IL1RAPL2: variants seen among roughly 807,000 people sequenced by gnomAD.
The protein encoded by IL1RAPL2 is interleukin 1 receptor accessory protein like 2.
IL1RAPL2 carries 3 observed loss-of-function variants against 44.1 expected under a neutral mutation model. The observed-to-expected ratio is 0.07, with a 90% confidence interval of 0.03 to 0.18. The LOEUF (loss-of-function observed/expected upper bound fraction) is 0.18, where lower values mean the gene tolerates loss of function less well. Ranked by LOEUF, IL1RAPL2 falls within the 10% of genes least tolerant of loss-of-function variation. The probability of loss-of-function intolerance (pLI) is 1.00; values close to 1 mark genes in which losing one functional copy is unlikely to be tolerated. For missense variants in IL1RAPL2, 391 were observed against 496.4 expected, an observed-to-expected ratio of 0.79 and a Z score of 2.02; for synonymous variants, 181 against 178.8, an observed-to-expected ratio of 1.01 and a Z score of -0.10.
At chrX:104,637,802 CTGTGTGTG>C (rs1214767208) in intron 1 of IL1RAPL2, among the ~76,000 whole-genome samples, 199 of 88,594 alleles carry the variant, frequency 2.2e-3, no homozygotes, top group African/African-American at 7.5e-3. Flanking sequence ...GTGTGTGTGT[CTGTGTGTG>C]TGTGTGTGTG....
At chrX:104,886,796 G>T (rs1010569062) in intron 2 of IL1RAPL2, among the ~76,000 whole-genome samples, 4 of 112,234 alleles carry the variant, frequency 3.6e-5, no homozygotes, top group Non-Finnish European at 7.5e-5. Context: ...TGCCCCAAAG[G>T]TTTAGGGATA....
intron 5 of IL1RAPL2, among the ~76,000 whole-genome samples, chrX:105,349,126 T>C (rs2035133108): frequency 8.9e-6 from 1 of 112,276 alleles, no homozygotes; most frequent in Non-Finnish European, 1.9e-5. Context: ...TTGGAGTTAA[T>C]CGTGGTGGCT....
intron 5 of IL1RAPL2, among the ~76,000 whole-genome samples, chrX:105,310,711 A>G (rs185935560): frequency 2.5e-4 from 28 of 111,830 alleles, no homozygotes; most frequent in African/African-American, 8.1e-4. Context: ...ATTATTTGGT[A>G]TATGGTATAT....
At chrX:105,040,992 T>C (rs1252929701) in intron 2 of IL1RAPL2, among the ~76,000 whole-genome samples, 1 of 101,163 alleles carries the variant, frequency 9.9e-6, no homozygotes, top group Non-Finnish European at 2.0e-5. Context: ...TTTGGATCTT[T>C]CCTGCTTTCT....
intron 5 of IL1RAPL2, among the ~76,000 whole-genome samples, chrX:105,282,952 G>T (rs770666157): frequency 2.2e-4 from 24 of 111,380 alleles, no homozygotes; most frequent in Admixed American, 5.7e-4. Context: ...AACATTTTTT[G>T]ATTTTGTTAT....
chrX:104,789,214 G>A (rs1242610082), intron 2 of IL1RAPL2, among the ~76,000 whole-genome samples: 1 of 111,868 alleles, frequency 8.9e-6, no homozygotes, highest in Non-Finnish European at 1.9e-5. Flanking sequence ...TGATGCTGAA[G>A]TTTGGAATAC....
chrX:104,662,283 G>A (rs7889484), intron 2 of IL1RAPL2, among the ~76,000 whole-genome samples: 2,674 of 111,842 alleles, frequency 0.024, 83 homozygotes, highest in African/African-American at 0.082. Context: ...CCCTGGCTTG[G>A]GAAACAGCAA....
Position 104,677,417 on chromosome X carries a change from G to C in IL1RAPL2, c.82+18422G>C, listed in dbSNP as rs927503652. Among the ~76,000 whole-genome samples the C allele has an allele frequency of 1.1e-3, 119 of 111,318 alleles. 1 individual carries two copies. Among genetic ancestry groups the C allele is most frequent in the Admixed American group, 6.3e-3 (66 of 10,559 alleles). The stretch of plus-strand genomic sequence containing the variant: ...TCCCAGTTAGGGTGCTCAGGGTTCA[G>C]GGGTCAGGGACCCACTTGAGGAGGC... On this transcript the variant is annotated intron_variant, in intron 2 of 10. Transcript: ENST00000372582.
intron 2 of IL1RAPL2, among the ~76,000 whole-genome samples, chrX:104,841,008 T>C (rs914338412): frequency 1.8e-5 from 2 of 111,045 alleles, no homozygotes; most frequent in African/African-American, 6.6e-5. Context: ...CCCACTGTTA[T>C]TGTGTGAGAG....
chrX:104,892,018 T>G (rs758714981), intron 2 of IL1RAPL2, among the ~76,000 whole-genome samples: 1 of 111,913 alleles, frequency 8.9e-6, no homozygotes, highest in African/African-American at 3.2e-5. Flanking sequence ...CTGTTGAATT[T>G]TGTGACAGGC....
chrX:105,040,866 GTC>G (rs1467758357), intron 2 of IL1RAPL2, among the ~76,000 whole-genome samples: 1 of 101,993 alleles, frequency 9.8e-6, no homozygotes, highest in African/African-American at 3.8e-5. Flanking sequence ...GGTTTTTTGT[GTC>G]TCTATTTCCT....
chrX:105,633,529 T>C (rs2037504818), intron 6 of IL1RAPL2, among the ~76,000 whole-genome samples: 1 of 111,600 alleles, frequency 9.0e-6, no homozygotes, highest in Non-Finnish European at 1.9e-5. Context: ...AGTTCTGTTA[T>C]TGAGCCTTAT....
At chrX:105,069,607 T>C (rs981876313) in intron 2 of IL1RAPL2, among the ~76,000 whole-genome samples, 1 of 112,285 alleles carries the variant, frequency 8.9e-6, no homozygotes, top group African/African-American at 3.2e-5. Flanking sequence ...TTCATTTTTA[T>C]ACAACAAAAA....
At chrX:105,295,254 T>C (rs186054266) in intron 5 of IL1RAPL2, among the ~76,000 whole-genome samples, 64 of 111,452 alleles carry the variant, frequency 5.7e-4, no homozygotes, top group African/African-American at 2.1e-3. Context: ...TGGAAAATGT[T>C]TGTAGGCAGA....
chrX:104,880,518 C>T (rs974749933), intron 2 of IL1RAPL2, among the ~76,000 whole-genome samples: 1 of 111,760 alleles, frequency 8.9e-6, no homozygotes, highest in Non-Finnish European at 1.9e-5. Flanking sequence ...AAGGCTGTTT[C>T]TTACATCCAT....
chrX:104,926,046 C>T (rs755961687), intron 2 of IL1RAPL2, among the ~76,000 whole-genome samples: 11 of 112,133 alleles, frequency 9.8e-5, no homozygotes, highest in Admixed American at 2.8e-4. Flanking sequence ...TATACACCAA[C>T]AACAGCAAAG....
chrX:104,708,390 A>G (rs1289509496), intron 2 of IL1RAPL2, among the ~76,000 whole-genome samples: 3 of 110,688 alleles, frequency 2.7e-5, no homozygotes, highest in Non-Finnish European at 5.7e-5. Flanking sequence ...CAGCAGAGCC[A>G]CCTGCTTTCT....
intron 1 of IL1RAPL2, chrX:104,647,475 C>T (rs1038046642): frequency 2.6e-5 from 15 of 578,911 alleles, no homozygotes; most frequent in African/African-American, 1.1e-4. Context: ...AACTCCTTCC[C>T]GAAGGTGGGA....
intron 1 of IL1RAPL2, among the ~76,000 whole-genome samples, chrX:104,628,222 G>C (rs1929557421): frequency 9.0e-6 from 1 of 110,815 alleles, no homozygotes; most frequent in Non-Finnish European, 1.9e-5. Context: ...TGGCTATTTT[G>C]AAATATATAA....
Sources: gnomAD v4.1 joint callset for allele counts (sites outside exome capture counted in the v4.1 genomes callset) on GRCh38, gnomAD v4.1.1 for gene constraint, MANE v1.5 for transcripts, NCBI Gene and HGNC (gene_info 2026-07-23, HGNC 2026-07-21) for gene names.